INTS3: variants seen among roughly 807,000 people sequenced by gnomAD.
The protein encoded by INTS3 is integrator complex subunit 3, also known as SOSS complex subunit A.
In INTS3, 34 loss-of-function variants were observed where a neutral mutation model predicts 146.3. The observed-to-expected ratio is 0.23, with a 90% confidence interval of 0.18 to 0.31. INTS3 has a LOEUF of 0.31. INTS3 is among the 10% of genes least tolerant of loss of function. The pLI, the probability that INTS3 is intolerant of heterozygous loss-of-function variation, is 1.00. For synonymous variants in INTS3, 475 were observed against 494.9 expected, an observed-to-expected ratio of 0.96 and a Z score of 0.53; for missense variants, 757 against 1,304.2, an observed-to-expected ratio of 0.58 and a Z score of 6.46.
chr1:153,768,221 T>G (rs1326609029), intron 21 of INTS3, among the ~76,000 whole-genome samples: 4 of 152,210 alleles, frequency 2.6e-5, no homozygotes, highest in Non-Finnish European at 5.9e-5. Context: ...CCAGGGCTTC[T>G]GTAGTGGAGA....
intron 12 of INTS3, 91 bp downstream of exon 12, chr1:153,760,481 T>TCAAGGCATACCGAGA: frequency 1.8e-6 from 2 of 1,106,678 alleles, no homozygotes; most frequent in Non-Finnish European, 2.7e-6. Context: ...GTCTTCTCGG[T>TCAAGGCATACCGAGA]ATGCCTTGAC....
intron 29 of INTS3, 27 bp from the exon 30 acceptor site, chr1:153,773,166 T>A: frequency 6.2e-7 from 1 of 1,613,572 alleles, no homozygotes; most frequent in Non-Finnish European, 8.5e-7. Context: ...GCTGTTAACT[T>A]CCCATTTCCC....
intron 7 of INTS3, 136 bp downstream of exon 7, chr1:153,751,375 C>A: frequency 1.2e-6 from 1 of 849,298 alleles, no homozygotes; most frequent in Non-Finnish European, 1.8e-6. Context: ...CATCATTCAT[C>A]AACAGATGAG....
chr1:153,767,631 C>A, intron 20 of INTS3, 43 bp from the exon 21 acceptor site: 1 of 1,520,746 alleles, frequency 6.6e-7, no homozygotes, highest in Non-Finnish European at 8.9e-7. Context: ...TGAAGGTGGG[C>A]ACTGGGGTCA....
chr1:153,741,043 C>T (rs1339507491), intron 2 of INTS3, among the ~76,000 whole-genome samples: 1 of 152,142 alleles, frequency 6.6e-6, no homozygotes. Flanking sequence ...TGGGCTCAAG[C>T]GATCCTTCTG....
chr1:153,750,896 G>A (rs557951610), intron 6 of INTS3, 199 bp from the exon 7 acceptor site: 1 of 466,336 alleles, frequency 2.1e-6, no homozygotes, highest in East Asian at 3.3e-5. Context: ...AGAAAATTAG[G>A]AAGTTGTCCG....
At chr1:153,742,391 A>G (rs1279319889) in intron 3 of INTS3, among the ~76,000 whole-genome samples, 1 of 152,174 alleles carries the variant, frequency 6.6e-6, no homozygotes, top group African/African-American at 2.4e-5. Flanking sequence ...AGTCCAGCAC[A>G]TCCATTTTAA....
intron 1 of INTS3, among the ~76,000 whole-genome samples, chr1:153,732,872 C>T (rs867743662): frequency 1.3e-5 from 2 of 150,610 alleles, no homozygotes; most frequent in Non-Finnish European, 2.9e-5. Flanking sequence ...GGCATCATCT[C>T]GGCTCACTGC....
intron 1 of INTS3, among the ~76,000 whole-genome samples, chr1:153,733,827 T>A (rs993982888): frequency 6.6e-6 from 1 of 150,998 alleles, no homozygotes; most frequent in Non-Finnish European, 1.5e-5. Flanking sequence ...CTGCTCTCGA[T>A]CTCCTAACCT....
rs1357890590 is a variant in INTS3 at position 153,761,555 on chromosome 1, A to G, written c.1410-15A>G. Reference sequence around the variant, plus strand: ...AGAAGCTCTGATATTGACCTTCATCATGTTCCCCATTTAGACACCTAGCTC... The same window carrying G: ...AGAAGCTCTGATATTGACCTTCATCGTGTTCCCCATTTAGACACCTAGCTC... On this transcript the variant is annotated splice_polypyrimidine_tract_variant and intron_variant, in intron 13 of 29. Transcript: ENST00000318967. 1.4e-5 allele frequency: 22 copies of G among 1,563,362 alleles called. No individual in the cohort carries two copies. The highest frequency in any genetic ancestry group is 2.2e-5 in the South Asian group (2 of 89,394).
At chr1:153,741,003 T>C (rs1447843031) in intron 2 of INTS3, among the ~76,000 whole-genome samples, 1 of 152,188 alleles carries the variant, frequency 6.6e-6, no homozygotes, top group African/African-American at 2.4e-5. Context: ...TTCACAGGCA[T>C]GATTATAGTG....
chr1:153,771,695 G>A (rs1672876522), intron 25 of INTS3, 101 bp from the exon 26 acceptor site: 1 of 1,107,398 alleles, frequency 9.0e-7, no homozygotes, highest in South Asian at 1.4e-5. Context: ...TGAGAGTAGT[G>A]GGTGGGTGGG....
At chr1:153,739,195 C>G (rs761193011) in intron 1 of INTS3, among the ~76,000 whole-genome samples, 14 of 152,156 alleles carry the variant, frequency 9.2e-5, no homozygotes, top group Non-Finnish European at 1.3e-4. Context: ...TCTCGAGTAG[C>G]TGGGACTACA....
At chr1:153,746,122 C>G (rs1570849417) in intron 3 of INTS3, among the ~76,000 whole-genome samples, 1 of 152,342 alleles carries the variant, frequency 6.6e-6, no homozygotes. Flanking sequence ...CTGTCCTTAA[C>G]TGTCTAGGGC....
intron 1 of INTS3, among the ~76,000 whole-genome samples, chr1:153,740,150 A>C (rs944219932): frequency 2.6e-5 from 4 of 151,222 alleles, no homozygotes; most frequent in African/African-American, 9.7e-5. Flanking sequence ...CCCAGGCTGG[A>C]GTGCAATGGC....
intron 6 of INTS3, among the ~76,000 whole-genome samples, chr1:153,750,362 G>C (rs745557200): frequency 6.6e-6 from 1 of 152,142 alleles, no homozygotes; most frequent in Non-Finnish European, 1.5e-5. Flanking sequence ...AAAGCAACTG[G>C]GAACAAATCT....
intron 22 of INTS3, among the ~76,000 whole-genome samples, chr1:153,769,523 G>A (rs921821029): frequency 1.3e-5 from 2 of 152,106 alleles, no homozygotes; most frequent in Admixed American, 1.3e-4. Context: ...CTTAGACCAA[G>A]GCTGTAACTA....
At chr1:153,770,629 G>C (rs1177675535) in intron 24 of INTS3, 56 bp from the exon 25 acceptor site, 2 of 1,470,706 alleles carry the variant, frequency 1.4e-6, no homozygotes, top group Non-Finnish European at 1.9e-6. Flanking sequence ...GAGGTCCCCA[G>C]ATTCCATCCT....
At chr1:153,742,137 A>G (rs556404878) in intron 3 of INTS3, among the ~76,000 whole-genome samples, 12 of 152,338 alleles carry the variant, frequency 7.9e-5, no homozygotes, top group African/African-American at 2.9e-4. Flanking sequence ...GGAAGGATTT[A>G]TGGGCATGGG....
Sources: allele counts gnomAD v4.1 joint callset (sites outside exome capture counted in the v4.1 genomes callset), GRCh38; gene constraint gnomAD v4.1.1; transcripts MANE v1.5; gene names NCBI Gene and HGNC (gene_info 2026-07-23, HGNC 2026-07-21).